ANO4: variants seen among roughly 807,000 people sequenced by gnomAD.
ANO4 encodes the protein anoctamin-4.
A neutral mutation model predicts 141.9 loss-of-function variants in ANO4; 69 were observed. That is an observed-to-expected ratio of 0.49 (90% CI 0.40 to 0.59). The LOEUF is 0.59. Ranked by LOEUF, ANO4 falls within the 20% of genes least tolerant of loss-of-function variation. The pLI is 0.00. For missense variants in ANO4, 894 were observed against 1,162.2 expected (o/e 0.77, Z 3.36); for synonymous variants, 350 against 394.3 (o/e 0.89, Z 1.33).
intron 22 of ANO4, among the ~76,000 whole-genome samples, chr12:101,104,490 A>C (rs961211809): frequency 2.7e-5 from 4 of 150,906 alleles, no homozygotes; most frequent in African/African-American, 9.7e-5. Context: ...GTATCAAAAC[A>C]TCTAAAGAGT....
chr12:101,100,814 G>A (rs923626193), intron 22 of ANO4, among the ~76,000 whole-genome samples: 1 of 152,126 alleles, frequency 6.6e-6, no homozygotes, highest in Non-Finnish European at 1.5e-5. Flanking sequence ...ACTTTGTTAT[G>A]TACTTTAAAA....
intron 1 of ANO4, among the ~76,000 whole-genome samples, chr12:100,820,960 T>A (rs561194895): frequency 1.3e-5 from 2 of 152,034 alleles, no homozygotes; most frequent in Non-Finnish European, 2.9e-5. Flanking sequence ...TTTTTGTTGG[T>A]CAGCATTATA....
intron 5 of ANO4, among the ~76,000 whole-genome samples, chr12:100,968,282 T>C (rs138633127): frequency 6.6e-6 from 1 of 152,264 alleles, no homozygotes; most frequent in African/African-American, 2.4e-5. Context: ...TATTGTTCTC[T>C]GAGTGGAATA....
At chr12:101,088,544 G>A (rs753847059) in intron 17 of ANO4, among the ~76,000 whole-genome samples, 14 of 151,312 alleles carry the variant, frequency 9.3e-5, no homozygotes, top group Non-Finnish European at 1.3e-4. Context: ...TTTTTTCACT[G>A]TTGTTATTCC....
At chr12:100,995,219 G>C (rs2045316720) in intron 8 of ANO4, among the ~76,000 whole-genome samples, 1 of 152,164 alleles carries the variant, frequency 6.6e-6, no homozygotes, top group Non-Finnish European at 1.5e-5. Flanking sequence ...GCCTCCTACA[G>C]AAGGTGTGAT....
At chr12:101,033,932 A>G (rs535257470) in intron 9 of ANO4, among the ~76,000 whole-genome samples, 1 of 152,350 alleles carries the variant, frequency 6.6e-6, no homozygotes, top group South Asian at 2.1e-4. Context: ...TCAAAACCGT[A>G]ATGAGATACC....
intron 3 of ANO4, among the ~76,000 whole-genome samples, chr12:100,936,771 C>T (rs1237735233): frequency 2.6e-5 from 4 of 152,086 alleles, no homozygotes; most frequent in African/African-American, 9.7e-5. Context: ...TAGCTAGAAT[C>T]GACAAATCAG....
At chr12:101,089,353 A>G (rs1034332766) in intron 17 of ANO4, among the ~76,000 whole-genome samples, 1 of 152,048 alleles carries the variant, frequency 6.6e-6, no homozygotes, top group African/African-American at 2.4e-5. Flanking sequence ...CAAGACTCAG[A>G]AGTAATAAAA....
Position 101,075,744 on chromosome 12 carries a change from T to TATAA in ANO4, c.1313-3448_1313-3447insTAAA, listed in dbSNP as rs202014328. The stretch of plus-strand genomic sequence containing the variant: ...ATATATATCTTTATATATATATATA[T>TATAA]AACAAAAATATGTATAGCATAAACC... On this transcript the variant is annotated intron_variant, in intron 14 of 27. Transcript: ENST00000392977. 7.5e-3 allele frequency among the ~76,000 whole-genome samples: 1,107 copies of TATAA among 146,676 alleles called. 10 individuals carry two copies. Among genetic ancestry groups the TATAA allele is most frequent in the Admixed American group, 0.014 (201 of 14,592 alleles).
At chr12:101,071,935 A>G (rs1467230086) in intron 14 of ANO4, among the ~76,000 whole-genome samples, 2 of 152,186 alleles carry the variant, frequency 1.3e-5, no homozygotes, top group Non-Finnish European at 2.9e-5. Flanking sequence ...TTTTAACTGT[A>G]TAAGTCTGTC....
chr12:100,811,102 A>G (rs2035403094), intron 1 of ANO4, among the ~76,000 whole-genome samples: 2 of 152,208 alleles, frequency 1.3e-5, no homozygotes, highest in Non-Finnish European at 2.9e-5. Context: ...TGATAATACA[A>G]GAAATTGACA....
chr12:100,997,366 C>T (rs2045436039), intron 8 of ANO4, among the ~76,000 whole-genome samples: 1 of 149,942 alleles, frequency 6.7e-6, no homozygotes, highest in Non-Finnish European at 1.5e-5. Flanking sequence ...CTTTTCTCCA[C>T]AGTGCTGCCA....
intron 7 of ANO4, among the ~76,000 whole-genome samples, chr12:100,981,024 G>A (rs1429742013): frequency 6.6e-6 from 1 of 152,096 alleles, no homozygotes; most frequent in Non-Finnish European, 1.5e-5. Context: ...CCCCCCATAT[G>A]CATTCTGCCT....
At chr12:100,907,494 GGTCTTATA>G (rs1254661471) in intron 2 of ANO4, among the ~76,000 whole-genome samples, 1 of 152,110 alleles carries the variant, frequency 6.6e-6, no homozygotes, top group African/African-American at 2.4e-5. Context: ...CTGTTTCTAT[GGTCTTATA>G]GTTCTCCCAG....
At chr12:100,749,057 G>A (rs1276283557) in intron 3 of ANO4, among the ~76,000 whole-genome samples, 2 of 152,132 alleles carry the variant, frequency 1.3e-5, no homozygotes, top group African/African-American at 2.4e-5. Context: ...ATGTCACAGT[G>A]GAAGGGAAGG....
At chr12:100,799,522 T>A (rs958009257) in intron 1 of ANO4, among the ~76,000 whole-genome samples, 3 of 152,154 alleles carry the variant, frequency 2.0e-5, no homozygotes, top group African/African-American at 7.2e-5. Context: ...GGTGGGCAGA[T>A]CATGAGGTCA....
intron 5 of ANO4, among the ~76,000 whole-genome samples, chr12:100,942,998 C>G (rs2042579012): frequency 6.6e-6 from 1 of 152,162 alleles, no homozygotes; most frequent in South Asian, 2.1e-4. Flanking sequence ...CTGGAACTTA[C>G]AAAAAAGATT....
At chr12:100,768,866 T>C (rs905719826) in intron 3 of ANO4, among the ~76,000 whole-genome samples, 5 of 152,214 alleles carry the variant, frequency 3.3e-5, no homozygotes, top group African/African-American at 1.2e-4. Flanking sequence ...GAATTAAGTT[T>C]GGCATCACAA....
intron 1 of ANO4, among the ~76,000 whole-genome samples, chr12:100,720,074 T>G (rs774631669): frequency 5.9e-5 from 9 of 152,184 alleles, no homozygotes; most frequent in Non-Finnish European, 1.3e-4. Context: ...CTTTAACTCA[T>G]TAAATAACCA....
Sources: allele counts gnomAD v4.1 joint callset (sites outside exome capture counted in the v4.1 genomes callset), GRCh38; gene constraint gnomAD v4.1.1; transcripts MANE v1.5; gene names NCBI Gene and HGNC (gene_info 2026-07-23, HGNC 2026-07-21).